Variants in KALRN observed in about 807,000 individuals in gnomAD.
KALRN encodes the protein kalirin.
A neutral mutation model predicts 353.7 loss-of-function variants in KALRN; 70 were observed. That is an observed-to-expected ratio of 0.20 (90% CI 0.16 to 0.24). The LOEUF (loss-of-function observed/expected upper bound fraction) is 0.24, where lower values mean the gene tolerates loss of function less well. KALRN is among the 10% of genes least tolerant of loss of function. The pLI is 1.00. For missense variants in KALRN, 2,791 were observed against 3,756.7 expected (o/e 0.74, Z 6.72); for synonymous variants, 1,391 against 1,434.8 (o/e 0.97, Z 0.69).
chr3:124,326,166 G>A lies in KALRN; in HGVS notation c.1279G>A (p.Glu427Lys). 6.2e-7 allele frequency: 1 copy of A among 1,610,980 alleles called. No individual in the cohort carries two copies. The highest frequency in any genetic ancestry group is 8.5e-7 in the Non-Finnish European group (1 of 1,178,400). The part of the protein sequence containing the change: ...AMSAVFHQKA[E>K]QFLSGVDAWC... ...GTCTGCTGTGTTCCACCAGAAGGCT[G>A]AGCAGGTAAGGTGCAGAAACCTGCA... The change falls in exon 7 of 60, where the codon GAG becomes AAG. Residue 427 changes from glutamate to lysine, a missense_variant. Physicochemically the swap from Glu to Lys is moderately conservative, Grantham distance 56. This residue lies in a region of KALRN where 366 missense variants were observed against 489.2 expected (regional missense o/e 0.75). Transcript: ENST00000682506.
chr3:124,123,883 A>G (rs2064322814), intron 1 of KALRN, among the ~76,000 whole-genome samples: 1 of 152,232 alleles, frequency 6.6e-6, no homozygotes. Flanking sequence ...CTGCTCAGAA[A>G]AAGAGATCCC....
chr3:124,108,053 C>T (rs1311526082), intron 1 of KALRN, among the ~76,000 whole-genome samples: 1 of 152,164 alleles, frequency 6.6e-6, no homozygotes, highest in African/African-American at 2.4e-5. Flanking sequence ...ATAATGGGAG[C>T]CCACAGTACA....
At chr3:124,038,694 T>A (rs115588028) in intron 1 of KALRN, among the ~76,000 whole-genome samples, 1 of 152,356 alleles carries the variant, frequency 6.6e-6, no homozygotes, top group Non-Finnish European at 1.5e-5. Context: ...TCTGTGAATC[T>A]AGACATTTTC....
chr3:124,662,065 C>T (rs1161414200), intron 45 of KALRN, 137 bp downstream of exon 45: 24 of 712,932 alleles, frequency 3.4e-5, no homozygotes, highest in South Asian at 3.2e-4. Context: ...TACCCGGGCC[C>T]CTCTGGTTCA....
intron 51 of KALRN, among the ~76,000 whole-genome samples, chr3:124,682,913 C>T (rs963842188): frequency 6.6e-6 from 1 of 152,144 alleles, no homozygotes; most frequent in Admixed American, 6.5e-5. Context: ...ACACCAATGC[C>T]ACTGCAAGAT....
intron 5 of KALRN, among the ~76,000 whole-genome samples, chr3:124,280,724 A>G (rs1425942251): frequency 6.6e-6 from 1 of 152,144 alleles, no homozygotes; most frequent in Non-Finnish European, 1.5e-5. Context: ...GAATAGAGAG[A>G]GACACCATCT....
At chr3:124,085,618 TA>T (rs2060772702) in intron 1 of KALRN, among the ~76,000 whole-genome samples, 1 of 152,086 alleles carries the variant, frequency 6.6e-6, no homozygotes, top group Non-Finnish European at 1.5e-5. Flanking sequence ...ACCTTATGAG[TA>T]GGGGGTAGAG....
At chr3:124,482,017 G>A (rs889913393) in intron 27 of KALRN, among the ~76,000 whole-genome samples, 1 of 152,186 alleles carries the variant, frequency 6.6e-6, no homozygotes, top group African/African-American at 2.4e-5. Flanking sequence ...TTGGGGAGTA[G>A]AAGATCATTT....
intron 10 of KALRN, among the ~76,000 whole-genome samples, chr3:124,369,108 C>T (rs914577666): frequency 2.0e-5 from 3 of 152,226 alleles, no homozygotes; most frequent in African/African-American, 7.2e-5. Flanking sequence ...CTTTGCCTTA[C>T]ACCAATCTAT....
At chr3:124,207,907 T>A (rs1329936043) in intron 1 of KALRN, among the ~76,000 whole-genome samples, 2 of 152,202 alleles carry the variant, frequency 1.3e-5, no homozygotes, top group Non-Finnish European at 2.9e-5. Flanking sequence ...AGTGGGCTCA[T>A]GTGATGCTTG....
In KALRN at chr3:124,219,143, G is replaced by A. The variant is rs78324758; in HGVS notation, c.74-8847G>A. Among the ~76,000 whole-genome samples the A allele has an allele frequency of 2.4e-3, 365 of 152,294 alleles. 1 individual carries two copies. The highest frequency in any genetic ancestry group is 8.1e-3 in the African/African-American group (338 of 41,552). On this transcript the variant is annotated intron_variant, in intron 1 of 59. Transcript: ENST00000682506. Reference sequence around the variant, plus strand: ...TTGGGATGTGAGAAACTCTGCCTCTGGGTCACCCATTAAGTGCCAGCTGTG... The same window carrying A: ...TTGGGATGTGAGAAACTCTGCCTCTAGGTCACCCATTAAGTGCCAGCTGTG...
intron 1 of KALRN, among the ~76,000 whole-genome samples, chr3:124,161,463 C>A (rs1248146972): frequency 2.0e-5 from 3 of 152,208 alleles, no homozygotes; most frequent in Admixed American, 6.5e-5. Context: ...GCTTCTCCCC[C>A]TCTACCCCTG....
chr3:124,374,899 C>G (rs1402682225), intron 10 of KALRN, among the ~76,000 whole-genome samples: 1 of 152,216 alleles, frequency 6.6e-6, no homozygotes, highest in Non-Finnish European at 1.5e-5. Context: ...CATGGGGATG[C>G]TGTCTCACCA....
chr3:124,165,369 A>T (rs1359937082), intron 1 of KALRN, among the ~76,000 whole-genome samples: 2 of 151,846 alleles, frequency 1.3e-5, no homozygotes, highest in Non-Finnish European at 3.0e-5. Context: ...TCCCACCCTC[A>T]GATGTTTTTA....
rs374358582 is a variant in KALRN, at chr3:124,556,958, A to G, written c.4936-5885A>G. ...CCTCTTAAAAAATTTTTTACTTTAT[A>G]TAAGTATTTAAGCTATTACAAAGCT... On this transcript the variant is annotated intron_variant, in intron 33 of 59. Transcript: ENST00000682506. 1.4e-4 allele frequency among the ~76,000 whole-genome samples: 22 copies of G among 152,352 alleles called. No individual in the cohort carries two copies. The South Asian group carries it at 2.9e-3, about 20-fold the overall frequency.
At chr3:124,675,615 A>C (rs536075938) in intron 49 of KALRN, among the ~76,000 whole-genome samples, 2 of 148,642 alleles carry the variant, frequency 1.3e-5, no homozygotes, top group Non-Finnish European at 3.0e-5. Flanking sequence ...TTGTTGCTGA[A>C]GTTCTGACCC....
rs576349195 is a variant in KALRN, at chr3:124,720,096, G to GT, written c.*633dup. 2 of 152,564 alleles carry GT rather than the reference G, an allele frequency of 1.3e-5. No individual in the cohort carries two copies. The highest frequency in any genetic ancestry group is 1.3e-4 in the Admixed American group (2 of 15,276). 9.5% of individuals were successfully genotyped at this position (152,564 alleles called of 1,614,324 possible). A position where few individuals can be genotyped will look rare whatever the true frequency, so the allele number is the denominator to read the frequency against. ...TTGACTAAGCACAATTAGATGACAA[G>GT]TTTTTTTAGAGCATTTTATAGATCT... is the stretch of plus-strand genomic sequence containing the variant. On this transcript the variant is annotated 3_prime_UTR_variant, in exon 60 of 60. Coordinates refer to ENST00000682506, the MANE Select transcript of KALRN (RefSeq NM_001388419.1).
At chr3:124,085,280 A>G (rs2060751898) in intron 1 of KALRN, among the ~76,000 whole-genome samples, 1 of 152,118 alleles carries the variant, frequency 6.6e-6, no homozygotes, top group Admixed American at 6.5e-5. Context: ...CTTCAACACA[A>G]AGCTCTGGAC....
chr3:124,577,195 G>T (rs922324541), intron 34 of KALRN, among the ~76,000 whole-genome samples: 2 of 144,618 alleles, frequency 1.4e-5, no homozygotes. Flanking sequence ...ACAAGACAGT[G>T]ATCAGTAATA....
Sources: gnomAD v4.1 joint callset for allele counts (sites outside exome capture counted in the v4.1 genomes callset) on GRCh38, gnomAD v4.1.1 for gene constraint, gnomAD v4.1.1 regional missense constraint, MANE v1.5 for transcripts, NCBI Gene and HGNC (gene_info 2026-07-23, HGNC 2026-07-21) for gene names.